The following KCNQ3 variants were observed in gnomAD, a reference collection of about 807,000 sequenced individuals.
KCNQ3 encodes potassium voltage-gated channel subfamily KQT member 3.
KCNQ3 carries 30 observed loss-of-function variants against 92.5 expected under a neutral mutation model. The observed-to-expected ratio is 0.32, with a 90% CI of 0.24 to 0.44. The LOEUF (loss-of-function observed/expected upper bound fraction) is 0.44, where lower values mean the gene tolerates loss of function less well. Among genes scored for constraint, KCNQ3 ranks in the 20% least tolerant of loss-of-function variants. KCNQ3 has a pLI of 1.00. For synonymous variants in KCNQ3, 450 were observed against 468.8 expected (o/e 0.96, Z 0.52); for missense variants, 913 against 1,140.3 (o/e 0.80, Z 2.87).
chr8:132,121,666 T>C lies in KCNQ3; in HGVS notation c.*7596A>G, dbSNP rs1487394632. ...TCTGAGCTTTTGGCCTCCCACAGAA[T>C]GTTTTTATAGACTCACCTGTTTCTG... On this transcript the variant is annotated 3_prime_UTR_variant, in exon 15 of 15. Transcript: ENST00000388996. The C allele has an allele frequency of 6.6e-6, 1 of 152,218 alleles. No homozygotes were observed. Among genetic ancestry groups the C allele is most frequent in the Non-Finnish European group, 1.5e-5 (1 of 68,044 alleles). The allele number at this position is 152,218 out of a possible 1,614,324, so 9.4% of individuals were successfully genotyped here. A position where few individuals can be genotyped will look rare whatever the true frequency, so the allele number is the denominator to read the frequency against.
At chr8:132,357,344 G>A (rs922227040) in intron 1 of KCNQ3, among the ~76,000 whole-genome samples, 1 of 152,192 alleles carries the variant, frequency 6.6e-6, no homozygotes, top group Non-Finnish European at 1.5e-5. Flanking sequence ...CAATGTGAGG[G>A]TGTGCTGTGG....
At chr8:132,337,271 T>C (rs1818389871) in intron 1 of KCNQ3, among the ~76,000 whole-genome samples, 1 of 152,166 alleles carries the variant, frequency 6.6e-6, no homozygotes. Context: ...ATCGCATTGC[T>C]TGAGCCCAGA....
At chr8:132,297,693 T>C (rs959167428) in intron 1 of KCNQ3, among the ~76,000 whole-genome samples, 2 of 152,260 alleles carry the variant, frequency 1.3e-5, no homozygotes, top group African/African-American at 4.8e-5. Flanking sequence ...TGAAGGGTCA[T>C]TTCTGCCTCG....
At chr8:132,411,094 T>C (rs1013264108) in intron 1 of KCNQ3, among the ~76,000 whole-genome samples, 4 of 152,192 alleles carry the variant, frequency 2.6e-5, no homozygotes, top group Non-Finnish European at 5.9e-5. Flanking sequence ...CAGGTCTGCA[T>C]GGAGCAGGCT....
intron 8 of KCNQ3, among the ~76,000 whole-genome samples, chr8:132,168,308 A>G (rs1195217379): frequency 6.6e-6 from 1 of 152,170 alleles, no homozygotes; most frequent in Non-Finnish European, 1.5e-5. Flanking sequence ...TCTTCCTGAA[A>G]AGTAGATCTA....
At position 132,135,683 on chromosome 8, in the gene KCNQ3, T is replaced by A. The variant is rs577669977; in HGVS notation, c.1701-1295A>T. On this transcript the variant is annotated intron_variant, in intron 12 of 14. Transcript: ENST00000388996. ...TCTGGCATGCCTTAGACATCATGCT[T>A]CATCCTCGTCTCTCGGAGAGCCATA... 7.9e-5 allele frequency among the ~76,000 whole-genome samples: 12 copies of A among 152,204 alleles called. No homozygotes were observed. The South Asian group carries it at 2.5e-3, about 32-fold the overall frequency.
chr8:132,183,181 G>A (rs1417619205), intron 3 of KCNQ3, among the ~76,000 whole-genome samples: 1 of 152,214 alleles, frequency 6.6e-6, no homozygotes, highest in African/African-American at 2.4e-5. Flanking sequence ...CATGCTCAGA[G>A]GAGAGGGAGT....
chr8:132,399,584 C>T (rs1302155116), intron 1 of KCNQ3, among the ~76,000 whole-genome samples: 1 of 152,222 alleles, frequency 6.6e-6, no homozygotes, highest in African/African-American at 2.4e-5. Context: ...AAATTCCAAG[C>T]ATCAAGAACT....
chr8:132,342,323 C>CTT (rs145034759), intron 1 of KCNQ3, among the ~76,000 whole-genome samples: 9 of 149,958 alleles, frequency 6.0e-5, no homozygotes, highest in African/African-American at 1.2e-4. Context: ...TTTCTTTTTT[C>CTT]TTTTTTTTTA....
In KCNQ3 at chr8:132,127,298, G is replaced by T. The variant is rs1310885052; in HGVS notation, c.*1964C>A. 6.6e-6 allele frequency: 1 copy of T among 152,160 alleles called. No individual in the cohort carries two copies. The highest frequency in any genetic ancestry group is 1.5e-5 in the Non-Finnish European group (1 of 68,038). The allele number at this position is 152,160 out of a possible 1,614,324, so 9.4% of individuals were successfully genotyped here. A position where few individuals can be genotyped will look rare whatever the true frequency, so the allele number is the denominator to read the frequency against. On this transcript the variant is annotated 3_prime_UTR_variant, in exon 15 of 15. Coordinates refer to ENST00000388996, the MANE Select transcript of KCNQ3 (RefSeq NM_004519.4). ...AAGGTCTACACCCATCCATTTATGG[G>T]GCTCTCCATAAAAAACACCCTTCTG... is the stretch of plus-strand genomic sequence containing the variant.
intron 1 of KCNQ3, among the ~76,000 whole-genome samples, chr8:132,213,140 C>T (rs1363148246): frequency 6.6e-6 from 1 of 152,144 alleles, no homozygotes; most frequent in African/African-American, 2.4e-5. Flanking sequence ...GACCTAAGCA[C>T]AGGCCTTCAC....
intron 1 of KCNQ3, among the ~76,000 whole-genome samples, chr8:132,383,030 A>G (rs1321369192): frequency 6.6e-6 from 1 of 152,172 alleles, no homozygotes; most frequent in East Asian, 1.9e-4. Context: ...CATGAGAAGT[A>G]CCTAATTCTT....
intron 1 of KCNQ3, among the ~76,000 whole-genome samples, chr8:132,475,285 G>A (rs1337633743): frequency 6.6e-6 from 1 of 152,168 alleles, no homozygotes; most frequent in Non-Finnish European, 1.5e-5. Flanking sequence ...TTGCAAGTAT[G>A]GAAGAGACTT....
rs1240382754 is a variant in KCNQ3, at chr8:132,129,225, G to A, written c.*37C>T. The A allele has an allele frequency of 6.2e-7, 1 of 1,601,476 alleles. No individual in the cohort carries two copies. Among genetic ancestry groups the A allele is most frequent in the African/African-American group, 1.3e-5 (1 of 74,912 alleles). On this transcript the variant is annotated 3_prime_UTR_variant, in exon 15 of 15. Transcript: ENST00000388996. This position sits in a 1 kb window ranked among gnomAD's most constrained non-coding sequence, Gnocchi z 5.9. ...AGAGTAAGTGAACTATACAAAGTCT[G>A]TCTACATTACAAGGAGGGGTCAGCC... is the stretch of plus-strand genomic sequence containing the variant.
intron 1 of KCNQ3, among the ~76,000 whole-genome samples, chr8:132,386,187 C>T (rs1819887009): frequency 6.6e-6 from 1 of 151,950 alleles, no homozygotes; most frequent in African/African-American, 2.4e-5. Context: ...GGGTGGTATC[C>T]AAAGCTGTCC....
intron 1 of KCNQ3, among the ~76,000 whole-genome samples, chr8:132,472,177 C>T (rs1218833057): frequency 1.3e-5 from 2 of 152,078 alleles, no homozygotes; most frequent in Non-Finnish European, 2.9e-5. Flanking sequence ...TAAATTAGTA[C>T]AGCCACTATG....
chr8:132,419,659 T>A (rs1166897143), intron 1 of KCNQ3, among the ~76,000 whole-genome samples: 1 of 152,236 alleles, frequency 6.6e-6, no homozygotes, highest in African/African-American at 2.4e-5. Context: ...GTTTTCTATG[T>A]AGCCAGTAGA....
At chr8:132,440,608 C>A (rs1468590276) in intron 1 of KCNQ3, among the ~76,000 whole-genome samples, 3 of 152,116 alleles carry the variant, frequency 2.0e-5, no homozygotes, top group Non-Finnish European at 4.4e-5. Context: ...GTTACGTGAC[C>A]CTTTCCCCAC....
At chr8:132,439,946 G>C (rs1314628967) in intron 1 of KCNQ3, among the ~76,000 whole-genome samples, 1 of 152,018 alleles carries the variant, frequency 6.6e-6, no homozygotes, top group East Asian at 1.9e-4. Context: ...ATTGGTTCTG[G>C]GACCTCCTGA....
Sources: gnomAD v4.1 joint callset for allele counts (sites outside exome capture counted in the v4.1 genomes callset) on GRCh38, gnomAD v4.1.1 for gene constraint, Gnocchi (gnomAD v3.1) non-coding constraint, MANE v1.5 for transcripts, NCBI Gene and HGNC (gene_info 2026-07-23, HGNC 2026-07-21) for gene names.